Variants in DYNC2H1 observed in about 807,000 individuals in gnomAD.
The protein encoded by DYNC2H1 is cytoplasmic dynein 2 heavy chain 1.
A neutral mutation model predicts 570.0 loss-of-function variants in DYNC2H1; 410 were observed. The ratio of observed to expected loss-of-function variants is 0.72; its 90% CI spans 0.66 to 0.78. The LOEUF is 0.78. DYNC2H1 is among the 30% of genes least tolerant of loss of function. The probability of loss-of-function intolerance (pLI) is 0.00; values close to 1 mark genes in which losing one functional copy is unlikely to be tolerated. For synonymous variants in DYNC2H1, 1,688 were observed against 1,677.6 expected (o/e 1.01, Z -0.15); for missense variants, 4,865 against 5,046.4 (o/e 0.96, Z 1.09).
At chr11:103,323,749 C>G in intron 81 of DYNC2H1, 137 bp from the exon 82 acceptor site, 4 of 636,526 alleles carry the variant, frequency 6.3e-6, no homozygotes, top group Non-Finnish European at 1.0e-5. Context: ...GAGTTAATAT[C>G]ATACAAAGTG....
chr11:103,321,082 T>A lies in DYNC2H1; in HGVS notation c.11779T>A (p.Tyr3927Asn). The A allele has an allele frequency of 6.2e-7, 1 of 1,612,892 alleles. No homozygotes were observed. Among genetic ancestry groups the A allele is most frequent in the Non-Finnish European group, 8.5e-7 (1 of 1,179,424 alleles). Reference protein sequence around the residue: ...FVHGLLENAIYGGRIDNYFDL... With the variant: ...FVHGLLENAINGGRIDNYFDL... ...ACATGGTTTACTTGAAAATGCTATT[T>A]ATGGAGGACGTATAGACAACTATTT... The change falls in exon 81 of 89, where the codon TAT (tyrosine) becomes AAT (asparagine). Residue 3927 changes from tyrosine to asparagine, a missense_variant. Around this residue, in one of 5 missense-constraint regions of DYNC2H1, gnomAD observed 2,401 missense variants for 2,454.6 expected, o/e 0.98. Coordinates refer to ENST00000375735, the MANE Select transcript of DYNC2H1 (RefSeq NM_001377.3).
chr11:103,436,173 G>T (rs1944053614), intron 85 of DYNC2H1, 141 bp downstream of exon 85: 6 of 628,004 alleles, frequency 9.6e-6, no homozygotes, highest in African/African-American at 2.0e-5. Flanking sequence ...TCTGCCATTT[G>T]TTATTTTTGT....
chr11:103,313,126 A>G (rs1867674380), intron 79 of DYNC2H1, among the ~76,000 whole-genome samples: 1 of 152,206 alleles, frequency 6.6e-6, no homozygotes, highest in Non-Finnish European at 1.5e-5. Flanking sequence ...CTTAAAATTT[A>G]TCAAGTGGCT....
intron 82 of DYNC2H1, among the ~76,000 whole-genome samples, chr11:103,343,680 G>T (rs574841283): frequency 1.1e-4 from 17 of 152,206 alleles, no homozygotes; most frequent in South Asian, 6.2e-4. Context: ...CAATGCCACT[G>T]CATTCCTGTC....
In DYNC2H1 at chr11:103,228,028, G is replaced by A. The variant is rs528168774; in HGVS notation, c.9354-3232G>A. 4.7e-4 allele frequency among the ~76,000 whole-genome samples: 72 copies of A among 152,106 alleles called. No individual in the cohort carries two copies. Among genetic ancestry groups the A allele is most frequent in the Non-Finnish European group, 9.6e-4 (65 of 68,024 alleles). On this transcript the variant is annotated intron_variant, in intron 59 of 88. Transcript: ENST00000375735. This position sits in a 1 kb window ranked among gnomAD's most constrained non-coding sequence, Gnocchi z 6.1. ...TCTTGCTTACTTTTGGTGTCCATTTGCATGGAATATGTTTTTCCACCCCTT... is the reference window on the plus strand; with the variant it reads ...TCTTGCTTACTTTTGGTGTCCATTTACATGGAATATGTTTTTCCACCCCTT...
intron 18 of DYNC2H1, 125 bp downstream of exon 18, chr11:103,143,520 A>G (rs1392688216): frequency 1.1e-6 from 1 of 939,136 alleles, no homozygotes; most frequent in Non-Finnish European, 1.5e-6. Flanking sequence ...CTCATTTATG[A>G]CACTTGAGTA....
At chr11:103,119,622 G>A (rs926566453) in intron 6 of DYNC2H1, among the ~76,000 whole-genome samples, 1 of 152,190 alleles carries the variant, frequency 6.6e-6, no homozygotes. Context: ...TTACAGGCGT[G>A]AGCCACTGCA....
intron 85 of DYNC2H1, among the ~76,000 whole-genome samples, chr11:103,451,155 T>C (rs1406190457): frequency 6.6e-6 from 1 of 152,064 alleles, no homozygotes; most frequent in Non-Finnish European, 1.5e-5. Context: ...GATAGGTTTT[T>C]AGCCCAACAG....
rs1308174278 is a variant in DYNC2H1 at position 103,155,362 on chromosome 11, G to A, written c.3605G>A (p.Gly1202Glu). ...IVIPILKYVR[G>E]EHLSPDHWLD... ...ATTCCTATCTTGAAATATGTGAGAG[G>A]GGAGCATCTTTCTCCAGATCACTGG... The change falls in exon 25 of 89, where the codon GGG (glycine) becomes GAG (glutamate). Residue 1202 changes from glycine to glutamate, a missense_variant. Gly to Glu is a moderately conservative substitution (Grantham distance 98). This residue lies in a region of DYNC2H1 where 1,936 missense variants were observed against 1,962.1 expected (regional missense o/e 0.99). Coordinates refer to ENST00000375735, the MANE Select transcript of DYNC2H1 (RefSeq NM_001377.3). 13 of 1,609,080 alleles carry A rather than the reference G, an allele frequency of 8.1e-6. No homozygotes were observed. The highest frequency in any genetic ancestry group is 1.3e-5 in the African/African-American group (1 of 74,592).
intron 87 of DYNC2H1, among the ~76,000 whole-genome samples, chr11:103,457,105 T>C (rs1003970770): frequency 1.3e-5 from 2 of 152,228 alleles, no homozygotes; most frequent in African/African-American, 4.8e-5. Flanking sequence ...TTGTTCATTG[T>C]AACATTTTGG....
At chr11:103,296,279 T>G (rs1866822111) in intron 75 of DYNC2H1, among the ~76,000 whole-genome samples, 1 of 152,224 alleles carries the variant, frequency 6.6e-6, no homozygotes, top group Non-Finnish European at 1.5e-5. Context: ...TTGGCCATCT[T>G]GCTCTGCCTC....
At chr11:103,359,668 C>CCTT (rs1940537654) in intron 83 of DYNC2H1, among the ~76,000 whole-genome samples, 2 of 129,924 alleles carry the variant, frequency 1.5e-5, no homozygotes, top group Non-Finnish European at 3.2e-5. Context: ...TTTTTTTTTA[C>CCTT]TTTTTTTTTT....
intron 75 of DYNC2H1, among the ~76,000 whole-genome samples, chr11:103,290,201 G>A (rs1361640721): frequency 2.0e-5 from 3 of 152,058 alleles, no homozygotes; most frequent in Admixed American, 6.6e-5. Flanking sequence ...GGGTTGGGGG[G>A]AGACACAATT....
chr11:103,414,283 C>G (rs1479380181), intron 84 of DYNC2H1, among the ~76,000 whole-genome samples: 2 of 152,102 alleles, frequency 1.3e-5, no homozygotes, highest in African/African-American at 4.8e-5. Flanking sequence ...AATTTTATGC[C>G]TACAAATTCA....
chr11:103,409,305 T>C (rs1056777655), intron 84 of DYNC2H1, among the ~76,000 whole-genome samples: 8 of 152,094 alleles, frequency 5.3e-5, no homozygotes, highest in African/African-American at 1.9e-4. Context: ...TGTAAGCTTA[T>C]GTGATGGAGG....
intron 31 of DYNC2H1, among the ~76,000 whole-genome samples, chr11:103,167,650 T>A (rs1041821461): frequency 1.3e-5 from 2 of 152,216 alleles, no homozygotes; most frequent in Non-Finnish European, 2.9e-5. Flanking sequence ...TCTTTTCTTA[T>A]GTGAATTGAG....
intron 82 of DYNC2H1, among the ~76,000 whole-genome samples, chr11:103,343,239 A>G (rs1419208096): frequency 6.6e-6 from 1 of 152,138 alleles, no homozygotes; most frequent in Non-Finnish European, 1.5e-5. Context: ...GAGCTCTCAA[A>G]GTTAAGTCGC....
Position 103,470,684 on chromosome 11 carries a change from C to T in DYNC2H1, c.12765+1979C>T, listed in dbSNP as rs540014154. Among the ~76,000 whole-genome samples, 346 of 152,202 alleles carry T rather than the reference C, an allele frequency of 2.3e-3. 1 individual carries two copies. The highest frequency in any genetic ancestry group is 5.6e-3 in the South Asian group (27 of 4,824). Reference sequence around the variant, plus strand: ...TGTGGTGTTTGGTTTTATGTCCTTGCGATAGTTTGCTGAGAATGATGGTTT... The same window carrying T: ...TGTGGTGTTTGGTTTTATGTCCTTGTGATAGTTTGCTGAGAATGATGGTTT... On this transcript the variant is annotated intron_variant, in intron 88 of 88. Coordinates refer to ENST00000375735, the MANE Select transcript of DYNC2H1 (RefSeq NM_001377.3).
intron 40 of DYNC2H1, 95 bp from the exon 41 acceptor site, chr11:103,184,801 C>G: frequency 1.5e-6 from 2 of 1,314,874 alleles, no homozygotes; most frequent in Admixed American, 2.3e-5. Context: ...AAAAATGGTT[C>G]TTGAAAAGGT....
Sources: allele counts gnomAD v4.1 joint callset (sites outside exome capture counted in the v4.1 genomes callset), GRCh38; gene constraint gnomAD v4.1.1; regional missense constraint gnomAD v4.1.1; non-coding constraint Gnocchi (gnomAD v3.1); transcripts MANE v1.5; gene names NCBI Gene and HGNC (gene_info 2026-07-23, HGNC 2026-07-21).